The following LDHAL6A variants were observed in gnomAD, a reference collection of about 807,000 sequenced individuals.
The protein encoded by LDHAL6A is L-lactate dehydrogenase A-like 6A.
In LDHAL6A, 19 loss-of-function variants were observed where a neutral mutation model predicts 28.2. The ratio of observed to expected loss-of-function variants is 0.67; its 90% CI spans 0.47 to 0.99. The LOEUF (loss-of-function observed/expected upper bound fraction) is 0.99, where lower values mean the gene tolerates loss of function less well. LDHAL6A is among the 50% of genes least tolerant of loss of function. The pLI, the probability that LDHAL6A is intolerant of heterozygous loss-of-function variation, is 0.00. For synonymous variants in LDHAL6A, 144 were observed against 134.4 expected, an observed-to-expected ratio of 1.07 and a Z score of -0.49; for missense variants, 372 against 398.6, an observed-to-expected ratio of 0.93 and a Z score of 0.57.
Position 18,475,331 on chromosome 11 carries a change from G to C in LDHAL6A, c.419-135G>C, listed in dbSNP as rs1849345399. On this transcript the variant is annotated intron_variant, in intron 3 of 6. Coordinates refer to ENST00000280706, the MANE Select transcript of LDHAL6A (RefSeq NM_144972.5). ...AGATATTCTTAAGAGTTGGCGTATA[G>C]CTGGGGTTGGATAGAGAACCATGTT... 5 of 676,434 alleles carry C rather than the reference G, an allele frequency of 7.4e-6. No homozygotes were observed. In the Admixed American group the frequency reaches 1.3e-4, roughly 18 times the overall value. The allele number at this position is 676,434 out of a possible 1,614,324, so 41.9% of individuals were successfully genotyped here. A position where few individuals can be genotyped will look rare whatever the true frequency, so the allele number is the denominator to read the frequency against.
At chr11:18,469,161 TG>T in intron 3 of LDHAL6A, 1 of 620,222 alleles carries the variant, frequency 1.6e-6, no homozygotes, top group South Asian at 1.9e-5. Flanking sequence ...CTCAGAGTTG[TG>T]AAGGCACCTG....
Position 18,467,878 on chromosome 11 carries a change from CACATATAT to C in LDHAL6A, c.418+2070_418+2077del, listed in dbSNP as rs1450375425. ...CTCAAAAAAAATATATATATATACA[CACATATAT>C]ATATATATATATATATATATATATA... On this transcript the variant is annotated intron_variant, in intron 3 of 6. Coordinates refer to ENST00000280706, the MANE Select transcript of LDHAL6A (RefSeq NM_144972.5). Among the ~76,000 whole-genome samples the C allele has an allele frequency of 8.6e-3, 313 of 36,290 alleles. 35 individuals are homozygous for C. The highest frequency in any genetic ancestry group is 0.032 in the African/African-American group (265 of 8,254). The allele number at this position is 36,290 out of a possible 152,430, so 23.8% of individuals were successfully genotyped here.
chr11:18,467,991 G>GTATATATATA (rs1565071507), intron 3 of LDHAL6A, among the ~76,000 whole-genome samples: 1 of 58,630 alleles, frequency 1.7e-5, no homozygotes, highest in African/African-American at 9.5e-5. Flanking sequence ...GTATATATAT[G>GTATATATATA]CATATATATA....
chr11:18,460,010 A>G (rs1167896449), intron 1 of LDHAL6A, among the ~76,000 whole-genome samples: 2 of 152,196 alleles, frequency 1.3e-5, no homozygotes, highest in African/African-American at 4.8e-5. Context: ...ATGATTTATC[A>G]GTGTTGATGT....
At chr11:18,473,254 A>G (rs918951493) in intron 3 of LDHAL6A, among the ~76,000 whole-genome samples, 4 of 152,352 alleles carry the variant, frequency 2.6e-5, no homozygotes, top group African/African-American at 7.2e-5. Flanking sequence ...AGTAAACAAA[A>G]TAATTGCTCC....
At position 18,467,908 on chromosome 11, in the gene LDHAL6A, TATATATATATAC is replaced by T. The variant is rs1565070919; in HGVS notation, c.418+2100_418+2111del. ...ATATATATATATATATATATATATA[TATATATATATAC>T]ACACACATATATATATACACACACA... On this transcript the variant is annotated intron_variant, in intron 3 of 6. Coordinates refer to ENST00000280706, the MANE Select transcript of LDHAL6A (RefSeq NM_144972.5). 3.4e-3 allele frequency among the ~76,000 whole-genome samples: 253 copies of T among 73,688 alleles called. 13 individuals carry two copies. The highest frequency in any genetic ancestry group is 6.4e-3 in the South Asian group (11 of 1,708). 48.3% of individuals were successfully genotyped at this position (73,688 alleles called of 152,430 possible).
intron 3 of LDHAL6A, among the ~76,000 whole-genome samples, chr11:18,470,735 G>A (rs905103540): frequency 9.3e-5 from 14 of 150,856 alleles, no homozygotes; most frequent in African/African-American, 3.4e-4. Flanking sequence ...TGCCCAGGCT[G>A]GAGTGCAGTG....
chr11:18,465,673 T>G lies in LDHAL6A; in HGVS notation c.281T>G (p.Ile94Ser), dbSNP rs1227796912. 6.2e-7 allele frequency: 1 copy of G among 1,614,078 alleles called. No homozygotes were observed. Among genetic ancestry groups the G allele is most frequent in the East Asian group, 2.2e-5 (1 of 44,886 alleles). ...ACTGCAAACTCCAATCTAGTGATTA[T>G]CACAGCAGGTGCACGCCAGAAAAAA... ...LVTANSNLVI[I>S]TAGARQKKGE... Residue 94 changes from isoleucine (I) to serine (S), a missense_variant, in exon 3 of 7, where the codon ATC (isoleucine) becomes AGC (serine). Coordinates refer to ENST00000280706, the MANE Select transcript of LDHAL6A (RefSeq NM_144972.5).
rs1849356489 is a variant in LDHAL6A, at chr11:18,475,603, C to T, written c.556C>T (p.His186Tyr). The change falls in exon 4 of 7, where the codon CAT becomes TAT. Residue 186 changes from histidine to tyrosine, a missense_variant. Transcript: ENST00000280706. ...QRLGIHSESC[H>Y]GLILGEHGDS... Reference sequence around the variant, plus strand: ...GCTTGGCATCCACTCTGAAAGCTGTCATGGGCTGATCCTTGGAGAGCATGG... The same window carrying T: ...GCTTGGCATCCACTCTGAAAGCTGTTATGGGCTGATCCTTGGAGAGCATGG... 1 of 1,614,040 alleles carries T rather than the reference C, an allele frequency of 6.2e-7. No homozygotes were observed. Among genetic ancestry groups the T allele is most frequent in the African/African-American group, 1.3e-5 (1 of 74,912 alleles).
chr11:18,465,619 A>T lies in LDHAL6A; in HGVS notation c.245-18A>T. 1 of 1,602,150 alleles carries T rather than the reference A, an allele frequency of 6.2e-7. No individual in the cohort carries two copies. The highest frequency in any genetic ancestry group is 8.5e-7 in the Non-Finnish European group (1 of 1,172,540). ...TGTTTTCTTTCATAATCGATTGTTT[A>T]TTCTAATCTTTCCTCAGATTACCTG... On this transcript the variant is annotated intron_variant, in intron 2 of 6. Coordinates refer to ENST00000280706, the MANE Select transcript of LDHAL6A (RefSeq NM_144972.5).
intron 3 of LDHAL6A, chr11:18,475,199 GTTTA>G (rs1849342209): frequency 3.0e-6 from 1 of 334,332 alleles, no homozygotes; most frequent in Non-Finnish European, 5.5e-6. Context: ...GAGAGTATTT[GTTTA>G]TTCATATTTC....
chr11:18,456,239 A>G lies in LDHAL6A; in HGVS notation c.-442A>G, dbSNP rs1040634220. Reference sequence around the variant, plus strand: ...GCCCTTCACCCCTGTGAGTGTGGCCAGAAGTACCTCTCACCTGGACCTGCG... The same window carrying G: ...GCCCTTCACCCCTGTGAGTGTGGCCGGAAGTACCTCTCACCTGGACCTGCG... On this transcript the variant is annotated 5_prime_UTR_variant, in exon 1 of 7. Transcript: ENST00000280706. The G allele has an allele frequency of 2.1e-4, 36 of 172,588 alleles. No individual in the cohort carries two copies. Among genetic ancestry groups the G allele is most frequent in the Middle Eastern group, 2.4e-3 (1 of 416 alleles). The allele number at this position is 172,588 out of a possible 1,614,324, so 10.7% of individuals were successfully genotyped here.
At chr11:18,473,105 T>A (rs557389817) in intron 3 of LDHAL6A, among the ~76,000 whole-genome samples, 1 of 152,338 alleles carries the variant, frequency 6.6e-6, no homozygotes, top group Admixed American at 6.5e-5. Context: ...TTTTTGATAT[T>A]GCAAATTCTA....
Position 18,478,732 on chromosome 11 carries a change from A to AT in LDHAL6A, c.863dup (p.Leu289ProfsTer2). The AT allele has an allele frequency of 1.9e-6, 3 of 1,611,376 alleles. No homozygotes were observed. Among genetic ancestry groups the AT allele is most frequent in the Non-Finnish European group, 2.5e-6 (3 of 1,178,682 alleles). On this transcript the variant is annotated frameshift_variant, in exon 7 of 7. Coordinates refer to ENST00000280706, the MANE Select transcript of LDHAL6A (RefSeq NM_144972.5). LOFTEE classifies it low-confidence loss of function (END_TRUNC). ...GCCTCTATGGAATAAATGAAGACAT[A>AT]TTCCTTAGTGTCCCATGTATCCTGG... is the stretch of plus-strand genomic sequence containing the variant.
chr11:18,461,860 G>GAAA (rs34785727), intron 1 of LDHAL6A, among the ~76,000 whole-genome samples: 1 of 131,252 alleles, frequency 7.6e-6, no homozygotes, highest in Non-Finnish European at 1.7e-5. Context: ...TCAAAAAAAA[G>GAAA]AAAAAAAAAA....
chr11:18,462,643 C>A lies in LDHAL6A; in HGVS notation c.127-1318C>A, dbSNP rs796588842. Among the ~76,000 whole-genome samples the A allele has an allele frequency of 9.6e-3, 480 of 50,008 alleles. 13 individuals are homozygous for A. Among genetic ancestry groups the A allele is most frequent in the African/African-American group, 0.013 (99 of 7,632 alleles). The allele number at this position is 50,008 out of a possible 152,430, so 32.8% of individuals were successfully genotyped here. ...CAGAGCAAGACTCTGTCTCAAAAAA[C>A]AAACAAACAAACAAAAAAAAAAACA... On this transcript the variant is annotated intron_variant, in intron 1 of 6. Coordinates refer to ENST00000280706, the MANE Select transcript of LDHAL6A (RefSeq NM_144972.5).
chr11:18,465,001 T>TTTTTTTTTTTTTG (rs1849025165), intron 2 of LDHAL6A, among the ~76,000 whole-genome samples: 2 of 144,514 alleles, frequency 1.4e-5, no homozygotes, highest in African/African-American at 5.4e-5. Context: ...TGTTTTGTTT[T>TTTTTTTTTTTTTG]GGTTTGTTTT....
intron 1 of LDHAL6A, among the ~76,000 whole-genome samples, chr11:18,457,228 A>G (rs1335398945): frequency 6.6e-6 from 1 of 152,060 alleles, no homozygotes; most frequent in East Asian, 1.9e-4. Flanking sequence ...CCTAGTCTGT[A>G]TATCTTTATT....
chr11:18,459,076 G>A (rs1377283711), intron 1 of LDHAL6A, among the ~76,000 whole-genome samples: 2 of 152,142 alleles, frequency 1.3e-5, no homozygotes, highest in Admixed American at 6.6e-5. Context: ...ATGGTGTGGT[G>A]GTTAATATTG....
Sources: allele counts gnomAD v4.1 joint callset (sites outside exome capture counted in the v4.1 genomes callset), GRCh38; gene constraint gnomAD v4.1.1; transcripts MANE v1.5; gene names NCBI Gene and HGNC (gene_info 2026-07-23, HGNC 2026-07-21).